The following KIF16B variants were observed in gnomAD, a reference collection of about 807,000 sequenced individuals.
The protein encoded by KIF16B is kinesin-like protein KIF16B.
A neutral mutation model predicts 156.3 loss-of-function variants in KIF16B; 98 were observed. That is an observed-to-expected ratio of 0.63 (90% CI 0.53 to 0.74). The LOEUF (loss-of-function observed/expected upper bound fraction) is 0.74. Among genes scored for constraint, KIF16B ranks in the 30% least tolerant of loss-of-function variants. The pLI is 0.00. For missense variants in KIF16B, 1,421 were observed against 1,606.5 expected (o/e 0.88, Z 1.97); for synonymous variants, 564 against 583.7 (o/e 0.97, Z 0.49).
intron 25 of KIF16B, among the ~76,000 whole-genome samples, chr20:16,298,790 T>C (rs1197029584): frequency 6.6e-6 from 1 of 151,968 alleles, no homozygotes; most frequent in Non-Finnish European, 1.5e-5. Flanking sequence ...TTTCAGAAGA[T>C]GCAGGGTTAG....
intron 23 of KIF16B, among the ~76,000 whole-genome samples, chr20:16,347,006 C>T (rs1391319051): frequency 2.6e-5 from 4 of 152,144 alleles, no homozygotes; most frequent in Admixed American, 6.5e-5. Context: ...GACTTTAGCC[C>T]AGCAACTTAT....
chr20:16,511,282 T>G, intron 6 of KIF16B, 136 bp downstream of exon 6: 1 of 476,286 alleles, frequency 2.1e-6, no homozygotes. Flanking sequence ...TGACAGCTCA[T>G]GACATTCTTA....
intron 24 of KIF16B, among the ~76,000 whole-genome samples, chr20:16,321,287 T>TA (rs1302637909): frequency 2.0e-5 from 3 of 152,142 alleles, no homozygotes; most frequent in Non-Finnish European, 4.4e-5. Flanking sequence ...GCATCATTTT[T>TA]ATAGAAACAG....
intron 12 of KIF16B, among the ~76,000 whole-genome samples, chr20:16,434,885 C>T (rs139866607): frequency 3.7e-4 from 57 of 152,258 alleles, no homozygotes; most frequent in Middle Eastern, 3.4e-3. Context: ...ACTACAAACA[C>T]AGCAGATGTC....
chr20:16,344,519 C>A (rs2064196100), intron 23 of KIF16B, among the ~76,000 whole-genome samples: 2 of 152,204 alleles, frequency 1.3e-5, no homozygotes. Context: ...AGGCCGGACT[C>A]CAGGTTAGTC....
rs573292144 is a variant in KIF16B, at chr20:16,527,774, T to C, written c.117+597A>G. On this transcript the variant is annotated intron_variant, in intron 2 of 25. Transcript: ENST00000354981. ...CTTCAATATTAATTTTATACCCCCG[T>C]TACCCTCCTCAGCGAAAAGCATTCA... 5.3e-5 allele frequency among the ~76,000 whole-genome samples: 8 copies of C among 152,244 alleles called. 2 individuals carry two copies. The South Asian group carries it at 1.7e-3, about 32-fold the overall frequency.
intron 2 of KIF16B, among the ~76,000 whole-genome samples, chr20:16,526,487 T>C (rs1047081483): frequency 4.6e-5 from 7 of 152,346 alleles, no homozygotes; most frequent in East Asian, 3.9e-4. Flanking sequence ...AGTGATTTTT[T>C]ACTGTTCCCT....
intron 19 of KIF16B, 106 bp downstream of exon 19, chr20:16,378,699 A>C (rs768046367): frequency 3.3e-6 from 4 of 1,205,972 alleles, no homozygotes; most frequent in Non-Finnish European, 4.6e-6. Context: ...TATGAAGGCT[A>C]AAAGAATAAG....
At chr20:16,314,246 C>T (rs537414574) in intron 24 of KIF16B, among the ~76,000 whole-genome samples, 2 of 152,320 alleles carry the variant, frequency 1.3e-5, no homozygotes, top group South Asian at 4.1e-4. Flanking sequence ...GTCTGTTCAA[C>T]TCTTTTGTCC....
chr20:16,498,967 G>GTATCTGT (rs1172968639), intron 10 of KIF16B, among the ~76,000 whole-genome samples: 4 of 151,890 alleles, frequency 2.6e-5, no homozygotes, highest in African/African-American at 9.7e-5. Context: ...GCCACACCTG[G>GTATCTGT]TATCTGTATA....
intron 24 of KIF16B, among the ~76,000 whole-genome samples, chr20:16,329,341 C>T (rs2063910239): frequency 6.6e-6 from 1 of 152,148 alleles, no homozygotes; most frequent in African/African-American, 2.4e-5. Context: ...ACTCTATCTC[C>T]TTCTCATAGA....
In KIF16B at chr20:16,513,673, A is replaced by C. The variant is rs1031638632; in HGVS notation, c.349-750T>G. 2.3e-4 allele frequency among the ~76,000 whole-genome samples: 34 copies of C among 148,792 alleles called. 1 individual carries two copies. In the South Asian group the frequency reaches 4.4e-3, roughly 19 times the overall value. ...AAAACTACGTTTAAAAAAAAAAAAAAAAAAAAAAAACCACATGCTATGTCC... is the reference window on the plus strand; with the variant it reads ...AAAACTACGTTTAAAAAAAAAAAAACAAAAAAAAAACCACATGCTATGTCC... On this transcript the variant is annotated intron_variant, in intron 4 of 25. Transcript: ENST00000354981.
At chr20:16,448,275 AAG>A (rs2066987511) in intron 12 of KIF16B, among the ~76,000 whole-genome samples, 2 of 152,222 alleles carry the variant, frequency 1.3e-5, no homozygotes, top group Non-Finnish European at 2.9e-5. Context: ...TCCTACAAAG[AAG>A]AGAGTTTTTC....
rs778333167 is a variant in KIF16B at position 16,512,886 on chromosome 20, A to G, written c.386T>C (p.Leu129Pro). 8 of 1,613,740 alleles carry G rather than the reference A, an allele frequency of 5.0e-6. No homozygotes were observed. Among genetic ancestry groups the G allele is most frequent in the Middle Eastern group, 1.6e-4 (1 of 6,084 alleles). ...SGLIPRICEG[L>P]FSRINETTRW... ...GGTGGTTTCATTTATCCGACTGAAG[A>G]GTCCTTCACAGATCCGAGGTATTAA... The change falls in exon 5 of 26, where the codon CTC (leucine) becomes CCC (proline). Residue 129 changes from leucine (L) to proline (P), a missense_variant. Transcript: ENST00000354981.
chr20:16,517,384 C>A (rs889079949), intron 3 of KIF16B, among the ~76,000 whole-genome samples: 2 of 152,184 alleles, frequency 1.3e-5, no homozygotes, highest in Non-Finnish European at 1.5e-5. Context: ...CAAGTCTCAA[C>A]CATAATGGCA....
Position 16,378,793 on chromosome 20 carries a change from T to C in KIF16B, c.3197+12A>G, listed in dbSNP as rs370425311. ...ACCCACTGTATGCCACACCCTTCCTTCCCAATCTCACCTCTCCTGGTCCTT... is the reference window on the plus strand; with the variant it reads ...ACCCACTGTATGCCACACCCTTCCTCCCCAATCTCACCTCTCCTGGTCCTT... On this transcript the variant is annotated intron_variant, in intron 19 of 25. Transcript: ENST00000354981. 1.8e-5 allele frequency: 28 copies of C among 1,583,226 alleles called. No homozygotes were observed. The African/African-American group carries it at 3.5e-4, about 20-fold the overall frequency.
At chr20:16,356,190 T>A in intron 23 of KIF16B, 140 bp downstream of exon 23, 1 of 1,059,198 alleles carries the variant, frequency 9.4e-7, no homozygotes, top group Non-Finnish European at 1.4e-6. Flanking sequence ...TACAGACTGG[T>A]TTAAAGAAGG....
At chr20:16,521,538 G>T (rs1227028914) in intron 3 of KIF16B, among the ~76,000 whole-genome samples, 1 of 152,082 alleles carries the variant, frequency 6.6e-6, no homozygotes, top group Non-Finnish European at 1.5e-5. Flanking sequence ...CCAAACCTAT[G>T]TTTGATTGGT....
chr20:16,394,975 G>C (rs201125565), intron 17 of KIF16B, among the ~76,000 whole-genome samples: 1 of 151,550 alleles, frequency 6.6e-6, no homozygotes, highest in Non-Finnish European at 1.5e-5. Context: ...TTTATTAGAC[G>C]TCTAAGTTCC....
Sources: allele counts gnomAD v4.1 joint callset (sites outside exome capture counted in the v4.1 genomes callset), GRCh38; gene constraint gnomAD v4.1.1; transcripts MANE v1.5; gene names NCBI Gene and HGNC (gene_info 2026-07-23, HGNC 2026-07-21).